Variants in NFATC2 observed in about 807,000 individuals in gnomAD.
The protein encoded by NFATC2 is nuclear factor of activated T-cells, cytoplasmic 2.
NFATC2 carries 22 observed loss-of-function variants against 87.3 expected under a neutral mutation model. The ratio of observed to expected loss-of-function variants is 0.25; its 90% CI spans 0.18 to 0.36. The LOEUF (loss-of-function observed/expected upper bound fraction) is 0.36, where lower values mean the gene tolerates loss of function less well. NFATC2 is among the 10% of genes least tolerant of loss of function. The pLI is 1.00. For synonymous variants in NFATC2, 565 were observed against 542.2 expected (o/e 1.04, Z -0.58); for missense variants, 1,149 against 1,259.1 (o/e 0.91, Z 1.32).
intron 6 of NFATC2, among the ~76,000 whole-genome samples, chr20:51,447,391 C>T (rs145808952): frequency 7.2e-5 from 11 of 152,320 alleles, no homozygotes; most frequent in African/African-American, 1.7e-4. Flanking sequence ...TTCCAACCTA[C>T]GCCCCCGCAG....
At chr20:51,528,328 A>G (rs1056562606) in intron 1 of NFATC2, among the ~76,000 whole-genome samples, 2 of 152,232 alleles carry the variant, frequency 1.3e-5, no homozygotes, top group Non-Finnish European at 2.9e-5. Flanking sequence ...ACTGAGATTT[A>G]GTATTAGAGA....
Position 51,523,801 on chromosome 20 carries a change from G to A in NFATC2, c.440C>T (p.Ala147Val), listed in dbSNP as rs769360998. 3 of 1,609,280 alleles carry A rather than the reference G, an allele frequency of 1.9e-6. No homozygotes were observed. Among genetic ancestry groups the A allele is most frequent in the African/African-American group, 2.7e-5 (2 of 74,772 alleles). Residue 147 changes from alanine (A) to valine (V), a missense_variant, in exon 2 of 11, where the codon GCC becomes GTC. By Grantham distance (64) the Ala-to-Val change is moderately conservative. Around this residue, in one of 3 missense-constraint regions of NFATC2, gnomAD observed 563 missense variants for 585.2 expected, o/e 0.96. Coordinates refer to ENST00000371564, the MANE Select transcript of NFATC2 (RefSeq NM_012340.5). The surrounding 1 kb of genome is among the most constrained non-coding windows in gnomAD (Gnocchi z 6.9). ...CACGGGCAGGGTGAACCTCGGGCTG[G>A]CGGCCACCCCGGCCAGGGGCGGCTG... ...VEQPPLAGVA[A>V]SPRFTLPVPG...
upstream of NFATC2, among the ~76,000 whole-genome samples, chr20:51,546,141 G>A (rs1236436557): frequency 6.6e-6 from 1 of 152,190 alleles, no homozygotes; most frequent in Non-Finnish European, 1.5e-5. Context: ...ATTTCAGCCT[G>A]AGGCAGGACC....
At position 51,480,104 on chromosome 20, in the gene NFATC2, A is replaced by G. The variant is rs1989108938; in HGVS notation, c.1333-4444T>C. Among the ~76,000 whole-genome samples, 1 of 152,134 alleles carries G rather than the reference A, an allele frequency of 6.6e-6. No individual in the cohort carries two copies. Among genetic ancestry groups the G allele is most frequent in the Non-Finnish European group, 1.5e-5 (1 of 68,034 alleles). On this transcript the variant is annotated intron_variant, in intron 3 of 10. Transcript: ENST00000371564. The surrounding 1 kb of genome is among the most constrained non-coding windows in gnomAD (Gnocchi z 4.2). ...GGAGTTCAAGACCAGCCCGGGCAACATGGTGAAACCCCGTCTCTGTGAAAA... is the reference window on the plus strand; with the variant it reads ...GGAGTTCAAGACCAGCCCGGGCAACGTGGTGAAACCCCGTCTCTGTGAAAA...
At position 51,435,629 on chromosome 20, in the gene NFATC2, G is replaced by A. The variant is rs1481565367; in HGVS notation, c.1905+77C>T. 12 of 1,464,978 alleles carry A rather than the reference G, an allele frequency of 8.2e-6. No homozygotes were observed. In the East Asian group the frequency reaches 2.4e-4, roughly 29 times the overall value. The allele number at this position is 1,464,978 out of a possible 1,614,324, so 90.7% of individuals were successfully genotyped here. On this transcript the variant is annotated intron_variant, in intron 7 of 10. Coordinates refer to ENST00000371564, the MANE Select transcript of NFATC2 (RefSeq NM_012340.5). The stretch of plus-strand genomic sequence containing the variant: ...CTCTGGGGGACACTGATGAAGGAAG[G>A]AGGGAAAGAAGGAAAGAGCATGAAA...
At chr20:51,551,876 AG>A (rs1371127956) in intron 1 of NFATC2, among the ~76,000 whole-genome samples, 1 of 151,770 alleles carries the variant, frequency 6.6e-6, no homozygotes, top group Non-Finnish European at 1.5e-5. Context: ...AAATACAAAA[AG>A]TTAGCCGGGT....
chr20:51,447,104 T>C (rs1161124758), intron 6 of NFATC2, among the ~76,000 whole-genome samples: 2 of 152,102 alleles, frequency 1.3e-5, no homozygotes, highest in African/African-American at 2.4e-5. Flanking sequence ...AAAATTATTT[T>C]AAGCATATGC....
At position 51,425,604 on chromosome 20, in the gene NFATC2, C is replaced by T. The variant is rs1390400846; in HGVS notation, c.2722+6463G>A. 3.3e-5 allele frequency among the ~76,000 whole-genome samples: 5 copies of T among 152,210 alleles called. No individual in the cohort carries two copies. In the East Asian group the frequency reaches 7.7e-4, roughly 23 times the overall value. On this transcript the variant is annotated intron_variant, in intron 9 of 10. Transcript: ENST00000371564. Reference sequence around the variant, plus strand: ...GACCAGGCTCCGCGTGGGCTTTGCACGCCTCCCCACACAGGAGCCGCTTTG... The same window carrying T: ...GACCAGGCTCCGCGTGGGCTTTGCATGCCTCCCCACACAGGAGCCGCTTTG...
At chr20:51,471,182 C>T (rs954372283) in intron 5 of NFATC2, among the ~76,000 whole-genome samples, 15 of 152,126 alleles carry the variant, frequency 9.9e-5, no homozygotes, top group South Asian at 2.1e-4. Context: ...AGTCTTAGAT[C>T]GACATAAGAT....
chr20:51,542,045 G>T (rs1317314764), intron 1 of NFATC2, among the ~76,000 whole-genome samples: 1 of 152,164 alleles, frequency 6.6e-6, no homozygotes, highest in South Asian at 2.1e-4. Flanking sequence ...TGACAGCCCA[G>T]TCCCAGGCAA....
intron 9 of NFATC2, among the ~76,000 whole-genome samples, chr20:51,425,535 C>A (rs1377013988): frequency 6.6e-6 from 1 of 152,224 alleles, no homozygotes; most frequent in Non-Finnish European, 1.5e-5. Flanking sequence ...CCCAGCCCTG[C>A]CGGGGTCATC....
At position 51,524,610 on chromosome 20, in the gene NFATC2, A is replaced by C. The variant is rs2076513167; in HGVS notation, c.131-500T>G. Among the ~76,000 whole-genome samples the C allele has an allele frequency of 6.6e-6, 1 of 152,080 alleles. No homozygotes were observed. On this transcript the variant is annotated intron_variant, in intron 1 of 10. Coordinates refer to ENST00000371564, the MANE Select transcript of NFATC2 (RefSeq NM_012340.5). This position sits in a 1 kb window ranked among gnomAD's most constrained non-coding sequence, Gnocchi z 4.0. ...TTTGAAAAGCACCTATCTAGGGCCT[A>C]TGGCAGCACTCTACACACATGACGT...
In NFATC2 at chr20:51,475,587, T is replaced by C; in HGVS notation, c.1406A>G (p.Lys469Arg). ...FIGTADERIL[K>R]PHAFYQVHRI... ...GTGCACCTGGTAGAAGGCGTGCGGC[T>C]TAAGGATCCGCTCATCAGCTGTCCC... The change falls in exon 4 of 11, where the codon AAG (lysine) becomes AGG (arginine). Residue 469 changes from lysine (K) to arginine (R), a missense_variant. Physicochemically the swap from Lys to Arg is conservative, Grantham distance 26. This residue lies in a region of NFATC2 where 581 missense variants were observed against 649.7 expected (regional missense o/e 0.89). Transcript: ENST00000371564. The C allele has an allele frequency of 6.2e-7, 1 of 1,614,152 alleles. No individual in the cohort carries two copies. Among genetic ancestry groups the C allele is most frequent in the Non-Finnish European group, 8.5e-7 (1 of 1,180,028 alleles).
In NFATC2 at chr20:51,479,113, CT is replaced by C. The variant is rs113175648; in HGVS notation, c.1333-3454del. ...AATTGACAAATGCTATAGATCAGGG[CT>C]TTTTTTTTCCCCCTGGAAAACTGGA... On this transcript the variant is annotated intron_variant, in intron 3 of 10. Transcript: ENST00000371564. 2.9e-3 allele frequency among the ~76,000 whole-genome samples: 433 copies of C among 148,950 alleles called. 2 individuals carry two copies. Among genetic ancestry groups the C allele is most frequent in the African/African-American group, 9.7e-3 (388 of 40,048 alleles).
intron 9 of NFATC2, among the ~76,000 whole-genome samples, chr20:51,418,807 C>T (rs1034048521): frequency 2.0e-5 from 3 of 151,834 alleles, no homozygotes; most frequent in African/African-American, 2.4e-5. Flanking sequence ...GGATTACAGG[C>T]GCATGCCACC....
At chr20:51,415,134 T>C (rs1979861029) in intron 9 of NFATC2, among the ~76,000 whole-genome samples, 1 of 151,498 alleles carries the variant, frequency 6.6e-6, no homozygotes, top group Non-Finnish European at 1.5e-5. Context: ...TAATCCCAGC[T>C]ACTTGGGGAG....
chr20:51,532,688 G>C (rs112493931), intron 1 of NFATC2, among the ~76,000 whole-genome samples: 1 of 152,208 alleles, frequency 6.6e-6, no homozygotes, highest in Non-Finnish European at 1.5e-5. Context: ...GCGCCAACCC[G>C]CCAGCCAACA....
Position 51,388,357 on chromosome 20 carries a change from T to C in NFATC2, c.*3139A>G, listed in dbSNP as rs1161000484. The C allele has an allele frequency of 6.6e-6, 1 of 152,130 alleles. No homozygotes were observed. The highest frequency in any genetic ancestry group is 2.4e-5 in the African/African-American group (1 of 41,428). 9.4% of individuals were successfully genotyped at this position (152,130 alleles called of 1,614,324 possible). A position where few individuals can be genotyped will look rare whatever the true frequency, so the allele number is the denominator to read the frequency against. ...GCATAATTCTTGAGCAAGAAAAAGG[T>C]GATTCCTTCTTCCACAAAGCCATTC... is the stretch of plus-strand genomic sequence containing the variant. On this transcript the variant is annotated 3_prime_UTR_variant, in exon 11 of 11. Coordinates refer to ENST00000371564, the MANE Select transcript of NFATC2 (RefSeq NM_012340.5).
At chr20:51,399,592 T>G (rs1987764302) in intron 9 of NFATC2, among the ~76,000 whole-genome samples, 1 of 152,242 alleles carries the variant, frequency 6.6e-6, no homozygotes, top group South Asian at 2.1e-4. Flanking sequence ...CTTATGCAGT[T>G]AGAGGCCTGG....
Sources: gnomAD v4.1 joint callset for allele counts (sites outside exome capture counted in the v4.1 genomes callset) on GRCh38, gnomAD v4.1.1 for gene constraint, gnomAD v4.1.1 regional missense constraint, Gnocchi (gnomAD v3.1) non-coding constraint, MANE v1.5 for transcripts, NCBI Gene and HGNC (gene_info 2026-07-23, HGNC 2026-07-21) for gene names.